NCAM2: variants seen among roughly 807,000 people sequenced by gnomAD.
NCAM2 encodes the protein N-CAM-2.
In NCAM2, 30 loss-of-function variants were observed where a neutral mutation model predicts 98.1. The ratio of observed to expected loss-of-function variants is 0.31; its 90% CI spans 0.23 to 0.41. The LOEUF (loss-of-function observed/expected upper bound fraction) is 0.41. Ranked by LOEUF, NCAM2 falls within the 10% of genes least tolerant of loss-of-function variation. NCAM2 has a pLI of 1.00. For synonymous variants in NCAM2, 368 were observed against 342.4 expected (o/e 1.07, Z -0.83); for missense variants, 867 against 1,005.8 (o/e 0.86, Z 1.87).
intron 9 of NCAM2, among the ~76,000 whole-genome samples, chr21:21,378,738 G>C (rs2148075817): frequency 6.6e-6 from 1 of 151,954 alleles, no homozygotes; most frequent in South Asian, 2.1e-4. Context: ...TGTTTATCTA[G>C]TACCTATTGA....
At chr21:21,338,801 T>A (rs545055766) in intron 8 of NCAM2, among the ~76,000 whole-genome samples, 97 of 152,266 alleles carry the variant, frequency 6.4e-4, no homozygotes, top group African/African-American at 2.2e-3. Flanking sequence ...ACTAGACTTT[T>A]GTTATACGTT....
chr21:21,328,806 A>T (rs2074592868), intron 6 of NCAM2, among the ~76,000 whole-genome samples: 2 of 152,062 alleles, frequency 1.3e-5, no homozygotes, highest in African/African-American at 4.8e-5. Context: ...TTAAGTATAC[A>T]GTGTTTATAA....
chr21:21,415,547 G>A (rs1415556931), intron 10 of NCAM2, among the ~76,000 whole-genome samples: 1 of 151,998 alleles, frequency 6.6e-6, no homozygotes, highest in African/African-American at 2.4e-5. Flanking sequence ...GTGTTAGCCA[G>A]GATGATCTCG....
At chr21:21,469,534 AC>A (rs1252821157) in intron 14 of NCAM2, among the ~76,000 whole-genome samples, 1 of 152,036 alleles carries the variant, frequency 6.6e-6, no homozygotes, top group East Asian at 1.9e-4. Context: ...TAAGATTCAT[AC>A]AACATGCGTT....
intron 1 of NCAM2, among the ~76,000 whole-genome samples, chr21:21,089,155 G>A (rs537177687): frequency 2.6e-5 from 4 of 151,950 alleles, no homozygotes; most frequent in East Asian, 1.9e-4. Flanking sequence ...GGATTACTTC[G>A]GAGAAGTTAT....
Position 21,284,232 on chromosome 21 carries a change from C to G in NCAM2, c.169C>G (p.Gln57Glu). Residue 57 changes from glutamine (Q) to glutamate (E), a missense_variant, in exon 3 of 18, where the codon CAA becomes GAA. Around this residue, in one of 5 missense-constraint regions of NCAM2, gnomAD observed 447 missense variants for 495.7 expected, o/e 0.90. Transcript: ENST00000400546. The stretch of plus-strand genomic sequence containing the variant: ...TGAAAGTATAGATTGGTATAATCCT[C>G]AAGGAGAGAAGATAATTTCAACACA... ...EPESIDWYNP[Q>E]GEKIISTQRV... is the part of the protein sequence containing the mutation. The G allele has an allele frequency of 6.2e-7, 1 of 1,612,586 alleles. No homozygotes were observed.
intron 15 of NCAM2, among the ~76,000 whole-genome samples, chr21:21,482,580 A>G (rs1191882966): frequency 6.6e-6 from 1 of 151,814 alleles, no homozygotes; most frequent in Non-Finnish European, 1.5e-5. Context: ...CTTTTTGTAA[A>G]CAATAGGGTA....
At chr21:21,022,109 A>T (rs1265491333) in intron 1 of NCAM2, among the ~76,000 whole-genome samples, 1 of 152,100 alleles carries the variant, frequency 6.6e-6, no homozygotes, top group Non-Finnish European at 1.5e-5. Context: ...AATGTCATAG[A>T]ATGTAGTCTT....
intron 15 of NCAM2, among the ~76,000 whole-genome samples, chr21:21,493,324 A>G (rs565755323): frequency 3.3e-5 from 5 of 152,040 alleles, no homozygotes; most frequent in African/African-American, 1.2e-4. Flanking sequence ...CAATCTAGGC[A>G]TAGTAGCCCT....
chr21:21,201,516 T>C (rs1349578626), intron 1 of NCAM2, among the ~76,000 whole-genome samples: 2 of 152,124 alleles, frequency 1.3e-5, no homozygotes, highest in Non-Finnish European at 1.5e-5. Context: ...TAGTGATATG[T>C]TTGTGTAGTG....
At chr21:21,266,045 G>A (rs1295542102) in intron 1 of NCAM2, among the ~76,000 whole-genome samples, 1 of 152,058 alleles carries the variant, frequency 6.6e-6, no homozygotes, top group African/African-American at 2.4e-5. Flanking sequence ...CAGTGATACG[G>A]TAATAGTCAC....
At chr21:21,232,306 A>G (rs1046504785) in intron 1 of NCAM2, among the ~76,000 whole-genome samples, 2 of 151,696 alleles carry the variant, frequency 1.3e-5, no homozygotes, top group Non-Finnish European at 3.0e-5. Context: ...ACATTCATAT[A>G]TAAATTACCA....
At chr21:21,117,926 A>G (rs558891671) in intron 1 of NCAM2, among the ~76,000 whole-genome samples, 1 of 152,346 alleles carries the variant, frequency 6.6e-6, no homozygotes, top group African/African-American at 2.4e-5. Context: ...GATTGAACTA[A>G]TAAGTGGATT....
chr21:21,070,881 G>T (rs1227687575), intron 1 of NCAM2, among the ~76,000 whole-genome samples: 1 of 152,194 alleles, frequency 6.6e-6, no homozygotes, highest in Non-Finnish European at 1.5e-5. Context: ...ATGGAAAGTA[G>T]TTAGATATTA....
chr21:21,366,265 A>G (rs1015140670), intron 8 of NCAM2, among the ~76,000 whole-genome samples: 4 of 152,092 alleles, frequency 2.6e-5, no homozygotes, highest in African/African-American at 9.7e-5. Flanking sequence ...AGCATATCAT[A>G]TGATATTGTA....
intron 1 of NCAM2, among the ~76,000 whole-genome samples, chr21:21,096,196 A>G (rs1315825924): frequency 1.3e-5 from 2 of 151,618 alleles, no homozygotes; most frequent in Non-Finnish European, 3.0e-5. Flanking sequence ...AGTTTTCTTT[A>G]TTTTGGAAAA....
intron 9 of NCAM2, among the ~76,000 whole-genome samples, chr21:21,377,292 C>T (rs1417041600): frequency 2.0e-5 from 3 of 151,636 alleles, no homozygotes; most frequent in African/African-American, 7.3e-5. Context: ...ATTTACATCA[C>T]CCTCAAGAAT....
Position 21,432,176 on chromosome 21 carries a change from A to G in NCAM2, c.1549A>G (p.Asn517Asp). The G allele has an allele frequency of 6.2e-7, 1 of 1,614,142 alleles. No homozygotes were observed. Among genetic ancestry groups the G allele is most frequent in the Non-Finnish European group, 8.5e-7 (1 of 1,179,978 alleles). Residue 517 changes from asparagine to aspartate, a missense_variant, in exon 12 of 18, where the codon AAC becomes GAC. By Grantham distance (23) the Asn-to-Asp change is conservative. This residue lies in a region of NCAM2 where 234 missense variants were observed against 333.8 expected (regional missense o/e 0.70). Transcript: ENST00000400546. ...LSQTTAKVSF[N>D]KPDSHGGVPI... ...GCAGACCACGGCCAAGGTTTCCTTC[A>G]ACAAACCGGACTCCCATGGAGGTGT...
intron 11 of NCAM2, among the ~76,000 whole-genome samples, chr21:21,420,786 G>A (rs1004515764): frequency 4.0e-5 from 6 of 151,608 alleles, no homozygotes; most frequent in African/African-American, 1.5e-4. Context: ...ATGGAAGAAG[G>A]CAGGGAGAAA....
Sources: gnomAD v4.1 joint callset for allele counts (sites outside exome capture counted in the v4.1 genomes callset) on GRCh38, gnomAD v4.1.1 for gene constraint, gnomAD v4.1.1 regional missense constraint, MANE v1.5 for transcripts, NCBI Gene and HGNC (gene_info 2026-07-23, HGNC 2026-07-21) for gene names.